Variants in SLC25A13 observed in about 807,000 individuals in gnomAD.
SLC25A13 encodes the protein solute carrier family 25 member 13.
In SLC25A13, 70 loss-of-function variants were observed where a neutral mutation model predicts 85.5. That is an observed-to-expected ratio of 0.82 (90% confidence interval 0.68 to 1.00). The LOEUF (loss-of-function observed/expected upper bound fraction) is 1.00, where lower values mean the gene tolerates loss of function less well. Among genes scored for constraint, SLC25A13 ranks in the 50% least tolerant of loss-of-function variants. The pLI, the probability that SLC25A13 is intolerant of heterozygous loss-of-function variation, is 0.00. For missense variants in SLC25A13, 765 were observed against 819.8 expected (o/e 0.93, Z 0.82); for synonymous variants, 259 against 288.7 (o/e 0.90, Z 1.04).
At chr7:96,297,190 A>G (rs969511803) in intron 1 of SLC25A13, among the ~76,000 whole-genome samples, 17 of 152,216 alleles carry the variant, frequency 1.1e-4, no homozygotes, top group African/African-American at 4.1e-4. Context: ...CTTAATATCT[A>G]ATGTTGAATG....
At chr7:96,190,664 G>A (rs1794813802) in intron 7 of SLC25A13, among the ~76,000 whole-genome samples, 1 of 152,112 alleles carries the variant, frequency 6.6e-6, no homozygotes, top group African/African-American at 2.4e-5. Context: ...CCAGGCTGGA[G>A]TGCAGTGGCG....
chr7:96,278,503 G>A (rs571425424), intron 2 of SLC25A13, among the ~76,000 whole-genome samples: 47 of 152,300 alleles, frequency 3.1e-4, no homozygotes, highest in African/African-American at 1.1e-3. Flanking sequence ...GGTCTGGACT[G>A]TGCCTCTTAC....
chr7:96,305,215 G>A (rs937648283), intron 1 of SLC25A13, among the ~76,000 whole-genome samples: 10 of 152,080 alleles, frequency 6.6e-5, no homozygotes, highest in Admixed American at 6.6e-4. Context: ...TGACCCCTGA[G>A]CTCAGGTTAT....
chr7:96,171,389 T>G, intron 12 of SLC25A13, 83 bp downstream of exon 12: 1 of 1,275,654 alleles, frequency 7.8e-7, no homozygotes, highest in Non-Finnish European at 1.1e-6. Context: ...AAAACAAACC[T>G]GCTGTTTCCT....
At chr7:96,261,004 T>C (rs1797833120) in intron 3 of SLC25A13, among the ~76,000 whole-genome samples, 1 of 152,134 alleles carries the variant, frequency 6.6e-6, no homozygotes, top group Non-Finnish European at 1.5e-5. Context: ...TTCACTCTCC[T>C]ATCAACCCTC....
chr7:96,140,859 A>T (rs1311035287), intron 14 of SLC25A13, among the ~76,000 whole-genome samples: 1 of 148,712 alleles, frequency 6.7e-6, no homozygotes, highest in Non-Finnish European at 1.5e-5. Flanking sequence ...AAAATTTTTT[A>T]CATCCTTTTT....
At chr7:96,290,787 G>C (rs1799088801) in intron 2 of SLC25A13, among the ~76,000 whole-genome samples, 1 of 151,962 alleles carries the variant, frequency 6.6e-6, no homozygotes, top group Non-Finnish European at 1.5e-5. Context: ...AGCAAGTCCT[G>C]AGTGACCTAC....
In SLC25A13 at chr7:96,131,697, G is replaced by A. The variant is rs755432934; in HGVS notation, c.1591+46C>T. 17 of 1,612,198 alleles carry A rather than the reference G, an allele frequency of 1.1e-5. No homozygotes were observed. In the South Asian group the frequency reaches 1.7e-4, roughly 16 times the overall value. ...AGTAGCATGCAGCTAGGGAAGGGGG[G>A]CAGCAAGGGTCAGGGAAGTAAGAGA... On this transcript the variant is annotated intron_variant, in intron 15 of 17. Transcript: ENST00000265631.
At chr7:96,151,664 C>T (rs532879095) in intron 13 of SLC25A13, among the ~76,000 whole-genome samples, 11 of 151,230 alleles carry the variant, frequency 7.3e-5, no homozygotes, top group African/African-American at 1.9e-4. Flanking sequence ...AATAATAGGT[C>T]GGGTGCAGTG....
chr7:96,145,958 T>G (rs894247859), intron 14 of SLC25A13, among the ~76,000 whole-genome samples: 1 of 152,304 alleles, frequency 6.6e-6, no homozygotes, highest in Non-Finnish European at 1.5e-5. Context: ...CATTGAAAAC[T>G]TGTGTATACA....
Position 96,193,043 on chromosome 7 carries a change from T to TAGAC in SLC25A13, c.605_608dup (p.Val204SerfsTer14), listed in dbSNP as rs762941850. ...AGGGCAAGTTACAACTTACAGCTAC[T>TAGAC]AGACATTCTTCTACAAAAGGAGTCA... On this transcript the variant is annotated frameshift_variant, in exon 6 of 18. Transcript: ENST00000265631. LOFTEE classifies it high-confidence loss of function. The TAGAC allele has an allele frequency of 2.5e-6, 4 of 1,614,098 alleles. No homozygotes were observed. Among genetic ancestry groups the TAGAC allele is most frequent in the Non-Finnish European group, 3.4e-6 (4 of 1,179,986 alleles).
chr7:96,262,582 G>A (rs1031207239), intron 3 of SLC25A13, among the ~76,000 whole-genome samples: 1 of 152,140 alleles, frequency 6.6e-6, no homozygotes, highest in Admixed American at 6.5e-5. Flanking sequence ...TATGGGTGAC[G>A]AAGAGCCTCT....
At chr7:96,151,398 G>C (rs1793038844) in intron 13 of SLC25A13, among the ~76,000 whole-genome samples, 1 of 151,750 alleles carries the variant, frequency 6.6e-6, no homozygotes, top group Non-Finnish European at 1.5e-5. Context: ...AGGAGTTCAG[G>C]ATAAGCCTGG....
At chr7:96,238,974 AT>A (rs1222414331) in intron 3 of SLC25A13, among the ~76,000 whole-genome samples, 1 of 148,824 alleles carries the variant, frequency 6.7e-6, no homozygotes, top group Non-Finnish European at 1.5e-5. Flanking sequence ...CCATATACAT[AT>A]GCAAAGCTTA....
At position 96,145,024 on chromosome 7, in the gene SLC25A13, A is replaced by T. The variant is rs978497535; in HGVS notation, c.1452+1532T>A. 2.0e-5 allele frequency among the ~76,000 whole-genome samples: 3 copies of T among 152,198 alleles called. 1 individual carries two copies. Among genetic ancestry groups the T allele is most frequent in the Admixed American group, 1.3e-4 (2 of 15,278 alleles). ...GAAAAGATGATTTTTCTTCAAATTG[A>T]TCAATGCTATGCCTCATGACAACAG... On this transcript the variant is annotated intron_variant, in intron 14 of 17. Transcript: ENST00000265631.
intron 11 of SLC25A13, among the ~76,000 whole-genome samples, chr7:96,172,827 C>G (rs1215103351): frequency 6.6e-6 from 1 of 152,046 alleles, no homozygotes; most frequent in Non-Finnish European, 1.5e-5. Flanking sequence ...GGCGCGATCT[C>G]GGCTCACTGC....
intron 2 of SLC25A13, among the ~76,000 whole-genome samples, chr7:96,294,560 C>T (rs1799271150): frequency 6.7e-6 from 1 of 148,562 alleles, no homozygotes; most frequent in African/African-American, 2.5e-5. Flanking sequence ...AGTGAGCTGA[C>T]ATGCGCAACC....
chr7:96,312,168 T>A (rs527509402), intron 1 of SLC25A13, among the ~76,000 whole-genome samples: 1 of 152,340 alleles, frequency 6.6e-6, no homozygotes, highest in African/African-American at 2.4e-5. Flanking sequence ...GGAGCCAGGC[T>A]GCCTGTGTTG....
At chr7:96,214,152 C>A (rs1476776695) in intron 4 of SLC25A13, among the ~76,000 whole-genome samples, 1 of 152,094 alleles carries the variant, frequency 6.6e-6, no homozygotes, top group Non-Finnish European at 1.5e-5. Context: ...AAGACAATTA[C>A]AAAGTGGCAG....
Sources: gnomAD v4.1 joint callset for allele counts (sites outside exome capture counted in the v4.1 genomes callset) on GRCh38, gnomAD v4.1.1 for gene constraint, MANE v1.5 for transcripts, NCBI Gene and HGNC (gene_info 2026-07-23, HGNC 2026-07-21) for gene names.